The following CARD9 variants were observed in gnomAD, a reference collection of about 807,000 sequenced individuals.
CARD9 encodes the protein caspase recruitment domain-containing protein 9.
Under a neutral mutation model 66.0 loss-of-function variants are expected in CARD9, and 53 were observed. The observed-to-expected ratio is 0.80, with a 90% CI of 0.64 to 1.01. The LOEUF (loss-of-function observed/expected upper bound fraction) is 1.01, where lower values mean the gene tolerates loss of function less well. Among genes scored for constraint, CARD9 ranks in the 50% least tolerant of loss-of-function variants. The pLI is 0.00. For missense variants in CARD9, 769 were observed against 743.2 expected, an observed-to-expected ratio of 1.03 and a Z score of -0.40; for synonymous variants, 387 against 313.8, an observed-to-expected ratio of 1.23 and a Z score of -2.47.
rs1833233271 is a variant in CARD9 at position 136,370,378 on chromosome 9, C to T, written c.867G>A (p.Gln289=). 4 of 1,610,278 alleles carry T rather than the reference C, an allele frequency of 2.5e-6. No homozygotes were observed. The highest frequency in any genetic ancestry group is 3.4e-6 in the Non-Finnish European group (4 of 1,179,172). Residue 289 remains glutamine, a synonymous_variant, in exon 6 of 13, where the codon CAG becomes CAA. Coordinates refer to ENST00000371732, the MANE Select transcript of CARD9 (RefSeq NM_052813.5). The part of the protein sequence containing the change: ...YIQVLEEDWR[Q]ALRDHQEQAN... ...CCTGCTCCTGGTGGTCCCGCAGCGC[C>T]TGCCGCCAGTCCTCCTCCAGTACCT...
At chr9:136,367,126 A>T in intron 9 of CARD9, 90 bp downstream of exon 9, 1 of 1,426,072 alleles carries the variant, frequency 7.0e-7, no homozygotes, top group Non-Finnish European at 9.7e-7. Context: ...GGGCCATGTG[A>T]CGGGCAGTGT....
chr9:136,373,441 C>T, intron 1 of CARD9, 91 bp downstream of exon 1: 1 of 965,190 alleles, frequency 1.0e-6, no homozygotes, highest in Non-Finnish European at 1.2e-6. Flanking sequence ...TGGGAAGCCT[C>T]AGGCTGCTCT....
Position 136,371,474 on chromosome 9 carries a change from G to A in CARD9, c.185-13C>T, listed in dbSNP as rs1238456898. Reference sequence around the variant, plus strand: ...TCCAGGAGCACACCTGCGGGCCAGAGAGGCCTAACTGGGGGCGGGGCACAG... The same window carrying A: ...TCCAGGAGCACACCTGCGGGCCAGAAAGGCCTAACTGGGGGCGGGGCACAG... On this transcript the variant is annotated splice_polypyrimidine_tract_variant and intron_variant, in intron 2 of 12. Transcript: ENST00000371732. 40 of 1,569,832 alleles carry A rather than the reference G, an allele frequency of 2.5e-5. No individual in the cohort carries two copies. Among genetic ancestry groups the A allele is most frequent in the Non-Finnish European group, 3.2e-5 (37 of 1,156,350 alleles).
chr9:136,371,527 C>G, intron 2 of CARD9, 66 bp from the exon 3 acceptor site: 4 of 1,468,098 alleles, frequency 2.7e-6, no homozygotes, highest in Admixed American at 4.0e-5. Context: ...GGTGGGTGGG[C>G]CTGGGGGCAG....
intron 2 of CARD9, 45 bp downstream of exon 2, chr9:136,371,848 ACT>A: frequency 6.4e-7 from 1 of 1,560,704 alleles, no homozygotes; most frequent in East Asian, 2.3e-5. Flanking sequence ...CTCCGAGCTG[ACT>A]CTGTGGTTGG....
chr9:136,364,270 G>C lies in CARD9; in HGVS notation c.*32C>G, dbSNP rs751054598. On this transcript the variant is annotated 3_prime_UTR_variant, in exon 13 of 13. Coordinates refer to ENST00000371732, the MANE Select transcript of CARD9 (RefSeq NM_052813.5). Reference sequence around the variant, plus strand: ...GGGTGGCAGGAGGCCGGGCCGGTGGGTGTGCCCTGGTCGGGGCCTGCGCTG... The same window carrying C: ...GGGTGGCAGGAGGCCGGGCCGGTGGCTGTGCCCTGGTCGGGGCCTGCGCTG... 1.3e-6 allele frequency: 2 copies of C among 1,551,248 alleles called. No individual in the cohort carries two copies. The highest frequency in any genetic ancestry group is 1.2e-5 in the South Asian group (1 of 84,128).
At chr9:136,364,838 G>A in intron 11 of CARD9, 1 of 596,758 alleles carries the variant, frequency 1.7e-6, no homozygotes, top group Non-Finnish European at 3.0e-6. Flanking sequence ...AAAGCCCGAG[G>A]TGGTGCTTGC....
Position 136,366,832 on chromosome 9 carries a change from T to TG in CARD9, c.1324dup (p.Gln442ProfsTer38). The stretch of plus-strand genomic sequence containing the variant: ...TGAGAGCTGGGTGTCCTCCAGGTCC[T>TG]GGGGGAGTGAGAGCTTCCAAAGAGA... On this transcript the variant is annotated frameshift_variant, in exon 10 of 13. Coordinates refer to ENST00000371732, the MANE Select transcript of CARD9 (RefSeq NM_052813.5). LOFTEE classifies it high-confidence loss of function. 1 of 1,613,030 alleles carries TG rather than the reference T, an allele frequency of 6.2e-7. No homozygotes were observed. Among genetic ancestry groups the TG allele is most frequent in the East Asian group, 2.2e-5 (1 of 44,882 alleles).
intron 2 of CARD9, 59 bp from the exon 3 acceptor site, chr9:136,371,520 G>T: frequency 5.4e-6 from 8 of 1,477,902 alleles, no homozygotes; most frequent in Non-Finnish European, 6.4e-6. Context: ...GGGCTGGGGT[G>T]GGTGGGCCTG....
rs888182858 is a variant in CARD9 at position 136,364,170 on chromosome 9, G to A, written c.*132C>T. On this transcript the variant is annotated 3_prime_UTR_variant, in exon 13 of 13. Transcript: ENST00000371732. ...CCGGCAGTCCGGCTGGGCCTTTCAG[G>A]GCACCAGATTCCTCGTTCCAGGCCA... 4.7e-5 allele frequency: 73 copies of A among 1,550,438 alleles called. No homozygotes were observed. The highest frequency in any genetic ancestry group is 5.9e-5 in the Non-Finnish European group (68 of 1,146,862).
intron 7 of CARD9, 143 bp downstream of exon 7, chr9:136,369,607 C>G: frequency 3.4e-6 from 5 of 1,478,124 alleles, no homozygotes; most frequent in South Asian, 1.3e-5. Flanking sequence ...TAGTTTGAGG[C>G]CACCCTGGGT....
At chr9:136,369,410 G>A (rs1833202698) in intron 7 of CARD9, among the ~76,000 whole-genome samples, 1 of 152,246 alleles carries the variant, frequency 6.6e-6, no homozygotes, top group South Asian at 2.1e-4. Flanking sequence ...GTAAGGTGGA[G>A]CGGGAAGGTT....
intron 11 of CARD9, chr9:136,364,859 C>T (rs1833081259): frequency 1.7e-6 from 1 of 595,354 alleles, no homozygotes; most frequent in African/African-American, 1.9e-5. Flanking sequence ...TCTCAGGACT[C>T]CTGTGTTCAC....
chr9:136,370,006 C>T, intron 6 of CARD9, 131 bp from the exon 7 acceptor site: 3 of 1,512,592 alleles, frequency 2.0e-6, no homozygotes, highest in African/African-American at 1.4e-5. Context: ...CATAGGAGTC[C>T]CCAGGCCCCT....
At chr9:136,368,159 C>T (rs112906558) in intron 7 of CARD9, among the ~76,000 whole-genome samples, 3 of 152,362 alleles carry the variant, frequency 2.0e-5, no homozygotes, top group South Asian at 4.1e-4. Context: ...CATAGCTAAG[C>T]GTCCTTCGTG....
Position 136,370,936 on chromosome 9 carries a change from A to G in CARD9, c.532T>C (p.Cys178Arg), listed in dbSNP as rs932662849. The G allele has an allele frequency of 5.6e-6, 9 of 1,612,246 alleles. No homozygotes were observed. Among genetic ancestry groups the G allele is most frequent in the African/African-American group, 1.3e-5 (1 of 74,940 alleles). ...CEAGSRELKR[C>R]KEENYDLAMR... ...GCCAGGTCGTAGTTCTCCTCCTTGC[A>G]GCGCTTGAGCTCGCGGCTGCCGGCC... Residue 178 changes from cysteine (C) to arginine (R), a missense_variant, in exon 4 of 13, where the codon TGC (cysteine) becomes CGC (arginine). Transcript: ENST00000371732.
At chr9:136,372,165 T>C (rs1833293227) in intron 1 of CARD9, 71 bp from the exon 2 acceptor site, 26 of 1,573,008 alleles carry the variant, frequency 1.7e-5, no homozygotes, top group Middle Eastern at 2.2e-4. Context: ...TCCCACTCCT[T>C]CTCAGACGCT....
At position 136,370,677 on chromosome 9, in the gene CARD9, T is replaced by C; in HGVS notation, c.652A>G (p.Met218Val). 1 of 1,612,700 alleles carries C rather than the reference T, an allele frequency of 6.2e-7. No individual in the cohort carries two copies. The highest frequency in any genetic ancestry group is 8.5e-7 in the Non-Finnish European group (1 of 1,179,836). Residue 218 changes from methionine to valine, a missense_variant, in exon 5 of 13, where the codon ATG becomes GTG. Met to Val is a conservative substitution (Grantham distance 21). Transcript: ENST00000371732. Reference protein sequence around the residue: ...LEIDQLKHSLMKAEDDCKVER... With the variant: ...LEIDQLKHSLVKAEDDCKVER... ...ACCTTGCAGTCGTCCTCGGCCTTCA[T>C]GAGGCTGTGCTTGAGCTGGTCAATC...
At chr9:136,373,453 G>C (rs1316398980) in intron 1 of CARD9, 79 bp downstream of exon 1, 1 of 973,468 alleles carries the variant, frequency 1.0e-6, no homozygotes, top group Non-Finnish European at 1.2e-6. Flanking sequence ...GGCTGCTCTG[G>C]GGGATCAGTG....
Sources: gnomAD v4.1 joint callset for allele counts (sites outside exome capture counted in the v4.1 genomes callset) on GRCh38, gnomAD v4.1.1 for gene constraint, MANE v1.5 for transcripts, NCBI Gene and HGNC (gene_info 2026-07-23, HGNC 2026-07-21) for gene names.